The following CEACAM3 variants were observed in gnomAD, a reference collection of about 807,000 sequenced individuals.
CEACAM3 encodes the protein CEA cell adhesion molecule 3.
Under a neutral mutation model 30.1 loss-of-function variants are expected in CEACAM3, and 32 were observed. That is an observed-to-expected ratio of 1.06 (90% CI 0.80 to 1.43). The LOEUF (loss-of-function observed/expected upper bound fraction) is 1.43, where lower values mean the gene tolerates loss of function less well. CEACAM3 is among the 40% of genes most tolerant of loss of function. The pLI is 0.00. For missense variants in CEACAM3, 290 were observed against 316.3 expected, an observed-to-expected ratio of 0.92 and a Z score of 0.63; for synonymous variants, 134 against 127.2, an observed-to-expected ratio of 1.05 and a Z score of -0.36.
intron 2 of CEACAM3, among the ~76,000 whole-genome samples, chr19:41,802,599 G>A (rs1411008192): frequency 6.6e-6 from 1 of 152,198 alleles, no homozygotes; most frequent in African/African-American, 2.4e-5. Context: ...CAATCTTGGG[G>A]CTGGGACAAG....
At chr19:41,799,900 C>T (rs1315050050) in intron 2 of CEACAM3, among the ~76,000 whole-genome samples, 1 of 152,088 alleles carries the variant, frequency 6.6e-6, no homozygotes, top group African/African-American at 2.4e-5. Context: ...AACCCCTGCC[C>T]CTAAAGCTAC....
intron 2 of CEACAM3, among the ~76,000 whole-genome samples, chr19:41,799,793 T>C (rs1409504484): frequency 6.6e-6 from 1 of 152,072 alleles, no homozygotes; most frequent in Non-Finnish European, 1.5e-5. Flanking sequence ...ATTCTTAAAC[T>C]CTTCAGAGAC....
intron 2 of CEACAM3, among the ~76,000 whole-genome samples, chr19:41,803,078 T>A (rs1962615946): frequency 6.6e-6 from 1 of 150,612 alleles, no homozygotes. Flanking sequence ...CAAAAAAAAA[T>A]GCAATTTGAA....
intron 2 of CEACAM3, chr19:41,807,299 G>A (rs1478194139): frequency 8.7e-6 from 14 of 1,608,370 alleles, no homozygotes; most frequent in Non-Finnish European, 1.2e-5. Flanking sequence ...TCTACTCAGT[G>A]TCACAAGGAA....
chr19:41,810,173 G>A lies in CEACAM3; in HGVS notation c.596-150G>A. 23 of 1,267,214 alleles carry A rather than the reference G, an allele frequency of 1.8e-5. 2 individuals carry two copies. In the South Asian group the frequency reaches 1.9e-4, roughly 10 times the overall value. 78.5% of individuals were successfully genotyped at this position (1,267,214 alleles called of 1,614,324 possible). A position where few individuals can be genotyped will look rare whatever the true frequency, so the allele number is the denominator to read the frequency against. On this transcript the variant is annotated intron_variant, in intron 4 of 6. Transcript: ENST00000357396. ...CACACAGGGGACCCCAATTGCTTGG[G>A]TCAGCCCTCACCTGTGGGCTCTGGG...
intron 6 of CEACAM3, 100 bp downstream of exon 6, chr19:41,810,997 G>A (rs921780812): frequency 3.7e-6 from 5 of 1,333,432 alleles, no homozygotes; most frequent in Non-Finnish European, 5.3e-6. Context: ...GGAAACTGCT[G>A]TGAAAATAAG....
intron 2 of CEACAM3, chr19:41,807,332 G>C (rs1555826931): frequency 1.2e-6 from 2 of 1,607,484 alleles, no homozygotes; most frequent in Non-Finnish European, 1.7e-6. Context: ...CTATGAGTGT[G>C]AAATACCGAA....
intron 2 of CEACAM3, among the ~76,000 whole-genome samples, chr19:41,806,004 GT>G (rs3838922): frequency 0.5 from 71,794 of 142,702 alleles, 20,033 homozygotes; most frequent in Middle Eastern, 0.69. Flanking sequence ...TGTTGTTGTT[GT>G]TTGTTGTTGT....
rs1434614309 is a variant in CEACAM3 at position 41,796,885 on chromosome 19, CACA to C, written c.64+149_64+151del. The stretch of plus-strand genomic sequence containing the variant: ...GAGAACATCAGAGAGGGACACGGGT[CACA>C]ACAAGACAATCACATTGAACTGGGA... On this transcript the variant is annotated intron_variant, in intron 1 of 6. Coordinates refer to ENST00000357396, the MANE Select transcript of CEACAM3 (RefSeq NM_001815.5). 16 of 760,016 alleles carry C rather than the reference CACA, an allele frequency of 2.1e-5. No individual in the cohort carries two copies. In the Admixed American group the frequency reaches 4.2e-4, roughly 20 times the overall value. 47.1% of individuals were successfully genotyped at this position (760,016 alleles called of 1,614,324 possible).
chr19:41,798,960 C>T (rs1194017185), intron 2 of CEACAM3, among the ~76,000 whole-genome samples: 1 of 152,198 alleles, frequency 6.6e-6, no homozygotes, highest in African/African-American at 2.4e-5. Context: ...GCCACAGCTG[C>T]CTCTTCTCCA....
rs61747599 is a variant in CEACAM3, at chr19:41,808,883, G to T, written c.495G>T (p.Ala165=). ...TGACCGGGGTCCTGGTCGGAGTGGC[G>T]CTGGTGGCCGCGCTGGTGTGTTTCC... ...GIVTGVLVGV[A]LVAALVCFLL... is the part of the protein sequence containing the mutation. The change falls in exon 3 of 7, where the codon GCG becomes GCT. Residue 165 remains alanine (A), a synonymous_variant. Coordinates refer to ENST00000357396, the MANE Select transcript of CEACAM3 (RefSeq NM_001815.5). 1.2e-6 allele frequency: 2 copies of T among 1,608,716 alleles called. No individual in the cohort carries two copies. Among genetic ancestry groups the T allele is most frequent in the Non-Finnish European group, 8.5e-7 (1 of 1,177,416 alleles).
rs1230991696 is a variant in CEACAM3 at position 41,799,992 on chromosome 19, C to T, written c.424+2044C>T. 2.6e-5 allele frequency among the ~76,000 whole-genome samples: 4 copies of T among 152,064 alleles called. No individual in the cohort carries two copies. In the East Asian group the frequency reaches 5.8e-4, roughly 22 times the overall value. On this transcript the variant is annotated intron_variant, in intron 2 of 6. Coordinates refer to ENST00000357396, the MANE Select transcript of CEACAM3 (RefSeq NM_001815.5). The stretch of plus-strand genomic sequence containing the variant: ...GGTCTCCCTGGTCCTGGTTTGTGGG[C>T]GGCAGGTCACCCAGGCGCCGAGGCA...
chr19:41,808,705 C>T (rs1312660357), intron 2 of CEACAM3, 108 bp from the exon 3 acceptor site: 1 of 826,564 alleles, frequency 1.2e-6, no homozygotes, highest in African/African-American at 1.7e-5. Flanking sequence ...CACTCAGGCC[C>T]CATGGCATCT....
chr19:41,797,355 TGAGGG>T, intron 1 of CEACAM3: 1 of 543,068 alleles, frequency 1.8e-6, no homozygotes, highest in Middle Eastern at 4.9e-4. Context: ...GAGCAGGATC[TGAGGG>T]CAGTGGGGAG....
At chr19:41,806,281 C>T (rs1335157748) in intron 2 of CEACAM3, among the ~76,000 whole-genome samples, 5 of 152,214 alleles carry the variant, frequency 3.3e-5, no homozygotes, top group Admixed American at 3.3e-4. Flanking sequence ...CTGCCCACCT[C>T]GGCCTCCCCA....
Position 41,797,863 on chromosome 19 carries a change from C to G in CEACAM3, c.339C>G (p.Thr113=). 1 of 1,613,820 alleles carries G rather than the reference C, an allele frequency of 6.2e-7. No individual in the cohort carries two copies. Among genetic ancestry groups the G allele is most frequent in the Non-Finnish European group, 8.5e-7 (1 of 1,180,016 alleles). Residue 113 remains threonine (T), a synonymous_variant, in exon 2 of 7, where the codon ACC becomes ACG. Transcript: ENST00000357396. ...CATCCCTGCTGATCCAGAATGTCACCCAGAATGACATAGGATTCTACACCC... is the reference window on the plus strand; with the variant it reads ...CATCCCTGCTGATCCAGAATGTCACGCAGAATGACATAGGATTCTACACCC... ...TNASLLIQNV[T]QNDIGFYTLQ... is the part of the protein sequence containing the mutation.
At chr19:41,810,429 C>T (rs1478738365) in intron 5 of CEACAM3, 75 bp downstream of exon 5, 4 of 1,480,210 alleles carry the variant, frequency 2.7e-6, no homozygotes, top group Non-Finnish European at 3.7e-6. Flanking sequence ...GACCATCAGC[C>T]CCCCAGCACA....
Position 41,811,545 on chromosome 19 carries a change from C to T in CEACAM3, c.*308C>T, listed in dbSNP as rs1331915909. The T allele has an allele frequency of 2.9e-6, 1 of 342,270 alleles. No individual in the cohort carries two copies. Among genetic ancestry groups the T allele is most frequent in the East Asian group, 4.3e-5 (1 of 23,084 alleles). 21.2% of individuals were successfully genotyped at this position (342,270 alleles called of 1,614,324 possible). On this transcript the variant is annotated 3_prime_UTR_variant, in exon 7 of 7. Transcript: ENST00000357396. ...GGAAAGGATCTGAATAAAGGGGACC[C>T]TTCCTCTCATTAGCTGTTTTTCTGC...
At chr19:41,810,054 C>G (rs2073236642) in intron 4 of CEACAM3, 37 bp downstream of exon 4, 1 of 1,595,426 alleles carries the variant, frequency 6.3e-7, no homozygotes, top group African/African-American at 1.3e-5. Flanking sequence ...GCTGGGAACC[C>G]CTAGGACAGC....
Sources: gnomAD v4.1 joint callset for allele counts (sites outside exome capture counted in the v4.1 genomes callset) on GRCh38, gnomAD v4.1.1 for gene constraint, MANE v1.5 for transcripts, NCBI Gene and HGNC (gene_info 2026-07-23, HGNC 2026-07-21) for gene names.